Variants in SYTL3 observed in about 807,000 individuals in gnomAD.
SYTL3 encodes synaptotagmin-like protein 3.
In SYTL3, 88 loss-of-function variants were observed where a neutral mutation model predicts 82.1. The observed-to-expected ratio is 1.07, with a 90% confidence interval of 0.90 to 1.28. SYTL3 has a LOEUF of 1.28. Among genes scored for constraint, SYTL3 ranks in the 50% most tolerant of loss-of-function variants. The probability of loss-of-function intolerance (pLI) is 0.00; values close to 1 mark genes in which losing one functional copy is unlikely to be tolerated. For missense variants in SYTL3, 831 were observed against 757.6 expected (o/e 1.10, Z -1.14); for synonymous variants, 311 against 289.4 (o/e 1.07, Z -0.76).
chr6:158,727,701 T>TTTTTTTTTTTTTTTGG (rs1784911416), intron 11 of SYTL3, among the ~76,000 whole-genome samples: 1 of 148,260 alleles, frequency 6.7e-6, no homozygotes, highest in African/African-American at 2.5e-5. Flanking sequence ...TTTTTTTTTT[T>TTTTTTTTTTTTTTTGG]GAGATGAAGT....
At chr6:158,664,800 C>G (rs1045835974) in intron 4 of SYTL3, among the ~76,000 whole-genome samples, 2 of 152,102 alleles carry the variant, frequency 1.3e-5, no homozygotes, top group African/African-American at 4.8e-5. Context: ...GTAGGTATCA[C>G]AGACATTCAT....
At chr6:158,685,218 T>TCTCTC (rs1368798182) in intron 6 of SYTL3, among the ~76,000 whole-genome samples, 66 of 100,264 alleles carry the variant, frequency 6.6e-4, no homozygotes, top group African/African-American at 5.3e-3. Flanking sequence ...CTCTCTCTCT[T>TCTCTC]TTTTTTTTTT....
At chr6:158,676,543 A>C (rs1255631943) in intron 5 of SYTL3, among the ~76,000 whole-genome samples, 1 of 152,002 alleles carries the variant, frequency 6.6e-6, no homozygotes, top group East Asian at 1.9e-4. Context: ...ACAAAAGCCA[A>C]AATTGACAAA....
At chr6:158,714,324 CCTGAGCAACAGAGCAAGA>C (rs1783105151) in intron 9 of SYTL3, among the ~76,000 whole-genome samples, 1 of 151,720 alleles carries the variant, frequency 6.6e-6, no homozygotes, top group Non-Finnish European at 1.5e-5. Flanking sequence ...TGGACTCCAG[CCTGAGCAACAGAGCAAGA>C]CTCCGTCTCA....
intron 11 of SYTL3, among the ~76,000 whole-genome samples, chr6:158,729,172 G>A (rs1286354526): frequency 6.6e-6 from 1 of 152,240 alleles, no homozygotes; most frequent in Non-Finnish European, 1.5e-5. Flanking sequence ...ACTTGTGTTA[G>A]TCCATCCATG....
intron 5 of SYTL3, among the ~76,000 whole-genome samples, chr6:158,672,413 G>A (rs1394752920): frequency 6.6e-6 from 1 of 152,124 alleles, no homozygotes; most frequent in Non-Finnish European, 1.5e-5. Context: ...TTAAGTCCTG[G>A]GTTGCCACTG....
chr6:158,709,862 C>A (rs1782566576), intron 8 of SYTL3, among the ~76,000 whole-genome samples: 1 of 152,020 alleles, frequency 6.6e-6, no homozygotes, highest in African/African-American at 2.4e-5. Context: ...CATAGCAAGA[C>A]CCTATCTACA....
At chr6:158,744,194 A>G (rs1269189313) in intron 11 of SYTL3, among the ~76,000 whole-genome samples, 3 of 149,152 alleles carry the variant, frequency 2.0e-5, no homozygotes, top group African/African-American at 4.9e-5. Flanking sequence ...TGGGATTACA[A>G]GGGTGAGCCA....
intron 4 of SYTL3, 97 bp downstream of exon 4, chr6:158,663,475 A>G (rs1428843113): frequency 2.6e-6 from 4 of 1,523,842 alleles, no homozygotes; most frequent in Non-Finnish European, 3.5e-6. Context: ...ACAAATCACT[A>G]CCCACCTGCT....
At chr6:158,668,636 G>C (rs1777003863) in intron 5 of SYTL3, among the ~76,000 whole-genome samples, 1 of 152,202 alleles carries the variant, frequency 6.6e-6, no homozygotes. Flanking sequence ...AGTCTGCCTG[G>C]TTTTGCAGGG....
At position 158,718,252 on chromosome 6, in the gene SYTL3, A is replaced by G. The variant is rs147130947; in HGVS notation, c.720+41A>G. ...CAAGGCCTCCACGCTGATCACCTTC[A>G]TGTTGTCTTCCAGAACTTTCTAGCC... On this transcript the variant is annotated intron_variant, in intron 10 of 17. Transcript: ENST00000611299. 235 of 1,411,962 alleles carry G rather than the reference A, an allele frequency of 1.7e-4. No homozygotes were observed. The African/African-American group carries it at 3.2e-3, about 19-fold the overall frequency. 87.5% of individuals were successfully genotyped at this position (1,411,962 alleles called of 1,614,324 possible). A position where few individuals can be genotyped will look rare whatever the true frequency, so the allele number is the denominator to read the frequency against.
At chr6:158,710,337 G>A (rs1268962022) in intron 8 of SYTL3, among the ~76,000 whole-genome samples, 2 of 152,082 alleles carry the variant, frequency 1.3e-5, no homozygotes, top group Non-Finnish European at 2.9e-5. Context: ...ATCAAAAACC[G>A]CCATGGGTCA....
chr6:158,760,864 C>A, intron 15 of SYTL3, 119 bp downstream of exon 15: 1 of 723,610 alleles, frequency 1.4e-6, no homozygotes, highest in Non-Finnish European at 2.4e-6. Flanking sequence ...TCCCCGTGCC[C>A]AGCTCCAGCA....
In SYTL3 at chr6:158,657,876, C is replaced by CTT. The variant is rs35114756; in HGVS notation, c.-636-3381_-636-3380dup. On this transcript the variant is annotated intron_variant, in intron 2 of 17. Transcript: ENST00000611299. ...TTCCATTTACACACTAGTTGCATTTCTTTTTTTTTTTTTAACTTATTACTA... is the reference window on the plus strand; with the variant it reads ...TTCCATTTACACACTAGTTGCATTTCTTTTTTTTTTTTTTTAACTTATTACTA... 4.3e-3 allele frequency among the ~76,000 whole-genome samples: 632 copies of CTT among 146,086 alleles called. 5 individuals are homozygous for CTT. Among genetic ancestry groups the CTT allele is most frequent in the East Asian group, 0.039 (194 of 5,034 alleles).
intron 5 of SYTL3, among the ~76,000 whole-genome samples, chr6:158,672,230 G>A (rs1453069910): frequency 2.6e-5 from 4 of 152,202 alleles, no homozygotes; most frequent in Admixed American, 2.6e-4. Flanking sequence ...GGCGGAGGTT[G>A]CAGTGAGCCG....
At chr6:158,752,311 C>T (rs557316312) in intron 13 of SYTL3, among the ~76,000 whole-genome samples, 195 of 152,246 alleles carry the variant, frequency 1.3e-3, no homozygotes, top group African/African-American at 4.5e-3. Context: ...CTCTTTGTCT[C>T]GGGCTAACAC....
chr6:158,733,113 C>G (rs1426919026), intron 11 of SYTL3, among the ~76,000 whole-genome samples: 2 of 152,220 alleles, frequency 1.3e-5, no homozygotes, highest in South Asian at 2.1e-4. Context: ...GCTAATAACT[C>G]TTTGTTAAGC....
At chr6:158,751,588 C>T (rs979898676) in intron 12 of SYTL3, among the ~76,000 whole-genome samples, 4 of 152,158 alleles carry the variant, frequency 2.6e-5, no homozygotes, top group South Asian at 2.1e-4. Context: ...GAATCCGGCT[C>T]ATGGCCTTGA....
rs1201970760 is a variant in SYTL3, at chr6:158,663,394, C to CG, written c.110+22dup. 1.9e-6 allele frequency: 3 copies of CG among 1,611,894 alleles called. No individual in the cohort carries two copies. The highest frequency in any genetic ancestry group is 1.3e-5 in the African/African-American group (1 of 74,782). Reference sequence around the variant, plus strand: ...AGAGGACACGGTAGGCTGCCCTTCCCGGGGGGTCACTTTGGGTGTTTAGCT... The same window carrying CG: ...AGAGGACACGGTAGGCTGCCCTTCCCGGGGGGGTCACTTTGGGTGTTTAGCT... On this transcript the variant is annotated intron_variant, in intron 4 of 17. Transcript: ENST00000611299.
Sources: gnomAD v4.1 joint callset for allele counts (sites outside exome capture counted in the v4.1 genomes callset) on GRCh38, gnomAD v4.1.1 for gene constraint, MANE v1.5 for transcripts, NCBI Gene and HGNC (gene_info 2026-07-23, HGNC 2026-07-21) for gene names.